Variants in HYDIN observed in about 807,000 individuals in gnomAD.
HYDIN encodes the protein HYDIN axonemal central pair apparatus protein, also known as axonemal central pair apparatus protein HYDIN.
HYDIN carries 132 observed loss-of-function variants against 403.9 expected under a neutral mutation model. The ratio of observed to expected loss-of-function variants is 0.33; its 90% confidence interval spans 0.28 to 0.38. HYDIN has a LOEUF of 0.38. HYDIN is among the 10% of genes least tolerant of loss of function. The pLI, the probability that HYDIN is intolerant of heterozygous loss-of-function variation, is 1.00. For missense variants in HYDIN, 2,827 were observed against 5,009.5 expected (o/e 0.56, Z 13.15); for synonymous variants, 1,202 against 1,891.7 (o/e 0.64, Z 9.46).
intron 75 of HYDIN, among the ~76,000 whole-genome samples, chr16:70,841,177 G>T (rs1342895409): frequency 6.6e-6 from 1 of 151,970 alleles, no homozygotes; most frequent in Admixed American, 6.6e-5. Context: ...AAGTTCAGGG[G>T]TACATGTGCA....
intron 36 of HYDIN, among the ~76,000 whole-genome samples, chr16:70,966,972 G>A (rs1343368065): frequency 1.3e-5 from 2 of 150,998 alleles, no homozygotes; most frequent in Admixed American, 6.6e-5. Flanking sequence ...TATGGGGGAA[G>A]GGTACATGAG....
rs994485514 is a variant in HYDIN, at chr16:70,805,722, A to C, written c.*1858T>G. ...TCTTTGCTCACTTAACCATTGTGAA[A>C]ATCTGTCATCTGGTTGTCTTTAGAC... On this transcript the variant is annotated 3_prime_UTR_variant, in exon 86 of 86. Coordinates refer to ENST00000393567, the MANE Select transcript of HYDIN (RefSeq NM_001270974.2). Among the ~76,000 whole-genome samples, 8 of 152,202 alleles carry C rather than the reference A, an allele frequency of 5.3e-5. No individual in the cohort carries two copies. Among genetic ancestry groups the C allele is most frequent in the African/African-American group, 1.9e-4 (8 of 41,448 alleles).
At chr16:71,193,140 T>C (rs953124229) in intron 1 of HYDIN, among the ~76,000 whole-genome samples, 1 of 152,232 alleles carries the variant, frequency 6.6e-6, no homozygotes, top group African/African-American at 2.4e-5. Context: ...AACTCCAGAA[T>C]GTAAGCTTCT....
intron 19 of HYDIN, among the ~76,000 whole-genome samples, chr16:71,029,188 G>C (rs1240327956): frequency 1.3e-5 from 2 of 151,754 alleles, no homozygotes; most frequent in African/African-American, 4.8e-5. Context: ...CACGGTCTCT[G>C]TAACAGCTAC....
intron 52 of HYDIN, among the ~76,000 whole-genome samples, chr16:70,902,817 ATATATTTTTTTTT>A (rs1029765681): frequency 1.9e-4 from 3 of 15,650 alleles, no homozygotes; most frequent in African/African-American, 8.3e-4. Flanking sequence ...ATATATATAT[ATATATTTTTTTTT>A]TTTTTTTTGT....
chr16:70,894,435 G>A lies in HYDIN; in HGVS notation c.9248+14C>T, dbSNP rs1488333553. ...CGGACTTGATGGCCTTACATCTGAT[G>A]GGATTCCAGTTACCTGAACGCGATC... On this transcript the variant is annotated intron_variant, in intron 55 of 85. Coordinates refer to ENST00000393567, the MANE Select transcript of HYDIN (RefSeq NM_001270974.2). The A allele has an allele frequency of 1.2e-6, 2 of 1,603,664 alleles. No individual in the cohort carries two copies. Among genetic ancestry groups the A allele is most frequent in the Non-Finnish European group, 1.7e-6 (2 of 1,176,554 alleles).
intron 44 of HYDIN, among the ~76,000 whole-genome samples, chr16:70,937,974 T>C (rs1230318951): frequency 2.0e-5 from 3 of 151,964 alleles, no homozygotes; most frequent in Non-Finnish European, 4.4e-5. Context: ...CTAGGAGGCA[T>C]GGGGGGATCG....
chr16:70,849,234 C>A (rs1170743137), intron 75 of HYDIN, among the ~76,000 whole-genome samples: 1 of 152,000 alleles, frequency 6.6e-6, no homozygotes, highest in Non-Finnish European at 1.5e-5. Context: ...AAGCTCACTG[C>A]CTTTATGGGT....
chr16:71,066,537 C>T (rs2082273096), intron 15 of HYDIN: 1 of 185,436 alleles, frequency 5.4e-6, no homozygotes, highest in Admixed American at 5.7e-5. Context: ...CTATACATAG[C>T]ATTTGCATAC....
At chr16:71,194,017 G>A (rs1033448153) in intron 1 of HYDIN, among the ~76,000 whole-genome samples, 28 of 152,094 alleles carry the variant, frequency 1.8e-4, no homozygotes, top group Admixed American at 1.6e-3. Flanking sequence ...GTCAAACACT[G>A]CCTCTTCTAT....
At chr16:71,148,417 A>G (rs888723325) in intron 7 of HYDIN, among the ~76,000 whole-genome samples, 1 of 152,212 alleles carries the variant, frequency 6.6e-6, no homozygotes, top group African/African-American at 2.4e-5. Flanking sequence ...GAGCATAAGG[A>G]TTGAACAAAA....
intron 53 of HYDIN, 46 bp downstream of exon 53, chr16:70,900,958 G>C (rs778577274): frequency 3.6e-6 from 2 of 558,832 alleles, no homozygotes; most frequent in East Asian, 5.9e-5. Flanking sequence ...GTGTGTGTGT[G>C]TGTACATGCT....
intron 47 of HYDIN, 58 bp from the exon 48 acceptor site, chr16:70,908,919 A>G: frequency 6.3e-7 from 1 of 1,596,062 alleles, no homozygotes. Flanking sequence ...CACAAACAGA[A>G]GACAGAGATG....
rs375822962 is a variant in HYDIN at position 71,098,497 on chromosome 16, C to T, written c.1328-4562G>A. On this transcript the variant is annotated intron_variant, in intron 10 of 85. Coordinates refer to ENST00000393567, the MANE Select transcript of HYDIN (RefSeq NM_001270974.2). The stretch of plus-strand genomic sequence containing the variant: ...GATTACAGGCGTGAGCCACCGCGCC[C>T]GGCCAATAAAACTTTCAAAGGGCCC... Among the ~76,000 whole-genome samples, 26 of 151,782 alleles carry T rather than the reference C, an allele frequency of 1.7e-4. No homozygotes were observed. The East Asian group carries it at 2.5e-3, about 15-fold the overall frequency.
At chr16:70,868,092 A>G (rs1325367466) in intron 66 of HYDIN, among the ~76,000 whole-genome samples, 1 of 152,110 alleles carries the variant, frequency 6.6e-6, no homozygotes, top group Non-Finnish European at 1.5e-5. Flanking sequence ...ATGGCTGAGA[A>G]TTACACAGGT....
intron 42 of HYDIN, among the ~76,000 whole-genome samples, chr16:70,942,723 G>A (rs1310211222): frequency 6.6e-6 from 1 of 152,082 alleles, no homozygotes; most frequent in African/African-American, 2.4e-5. Flanking sequence ...AACTGAACAG[G>A]TACCGTGGCC....
At chr16:70,940,585 G>A in intron 43 of HYDIN, among the ~76,000 whole-genome samples, 1 of 152,044 alleles carries the variant, frequency 6.6e-6, no homozygotes, top group Non-Finnish European at 1.5e-5. Context: ...AGATAAGTGG[G>A]AAAAGGAGAA....
At chr16:70,965,591 A>G (rs1444869276) in intron 36 of HYDIN, among the ~76,000 whole-genome samples, 2 of 152,258 alleles carry the variant, frequency 1.3e-5, no homozygotes, top group East Asian at 1.9e-4. Flanking sequence ...TATAAGACAC[A>G]GCAAAATTAA....
chr16:71,065,256 C>T (rs546669171), intron 15 of HYDIN, among the ~76,000 whole-genome samples: 4 of 152,292 alleles, frequency 2.6e-5, no homozygotes, highest in South Asian at 4.1e-4. Flanking sequence ...CAAGGACTAG[C>T]GACAGCTCAC....
Sources: allele counts gnomAD v4.1 joint callset (sites outside exome capture counted in the v4.1 genomes callset), GRCh38; gene constraint gnomAD v4.1.1; transcripts MANE v1.5; gene names NCBI Gene and HGNC (gene_info 2026-07-23, HGNC 2026-07-21).